The following ALKBH1 variants were observed in gnomAD, a reference collection of about 807,000 sequenced individuals.
ALKBH1 encodes alkB homolog 1, histone H2A dioxygenase.
In ALKBH1, 31 loss-of-function variants were observed where a neutral mutation model predicts 36.6. The observed-to-expected ratio is 0.85, with a 90% CI of 0.64 to 1.14. The LOEUF (loss-of-function observed/expected upper bound fraction) is 1.14. ALKBH1 is among the 50% of genes most tolerant of loss of function. The pLI is 0.00. For missense variants in ALKBH1, 490 were observed against 497.3 expected (o/e 0.99, Z 0.14); for synonymous variants, 183 against 186.6 (o/e 0.98, Z 0.16).
chr14:77,694,945 C>T, intron 2 of ALKBH1, 45 bp from the exon 3 acceptor site: 1 of 1,396,560 alleles, frequency 7.2e-7, no homozygotes, highest in South Asian at 1.7e-5. Context: ...GGGAAATTCT[C>T]CATCAGTTAT....
chr14:77,688,443 A>G (rs1476623147), intron 3 of ALKBH1, among the ~76,000 whole-genome samples: 1 of 151,822 alleles, frequency 6.6e-6, no homozygotes, highest in African/African-American at 2.4e-5. Context: ...TTTAGTAGAG[A>G]CAGAGTTTCA....
At chr14:77,683,494 C>A in intron 3 of ALKBH1, 1 of 695,766 alleles carries the variant, frequency 1.4e-6, no homozygotes. Flanking sequence ...GTAGACTCTT[C>A]CAGTTTTGCC....
At chr14:77,676,672 C>T (rs1422360419) in intron 4 of ALKBH1, among the ~76,000 whole-genome samples, 5 of 152,204 alleles carry the variant, frequency 3.3e-5, no homozygotes, top group Non-Finnish European at 7.3e-5. Flanking sequence ...AGGTACCATA[C>T]TAAGGTAAAA....
chr14:77,674,045 G>A lies in ALKBH1; in HGVS notation c.937C>T (p.Leu313Phe), dbSNP rs771849230. Residue 313 changes from leucine to phenylalanine, a missense_variant, in exon 6 of 6, where the codon CTC becomes TTC. Physicochemically the swap from Leu to Phe is conservative, Grantham distance 22. Coordinates refer to ENST00000216489, the MANE Select transcript of ALKBH1 (RefSeq NM_006020.3). ...HCLEAPLPAV[L>F]PRDSMVEPCS... ...GGCTCTACCATTGAATCTCTCGGGA[G>A]GACAGCAGGGAGAGGTGCCTCTAGG... 4 of 1,614,210 alleles carry A rather than the reference G, an allele frequency of 2.5e-6. No individual in the cohort carries two copies. Among genetic ancestry groups the A allele is most frequent in the South Asian group, 1.1e-5 (1 of 91,088 alleles).
intron 3 of ALKBH1, 30 bp downstream of exon 3, chr14:77,694,708 T>G: frequency 6.5e-7 from 1 of 1,547,784 alleles, no homozygotes; most frequent in Non-Finnish European, 8.7e-7. Flanking sequence ...AGCTGAGTAT[T>G]AACACTTCAT....
intron 3 of ALKBH1, among the ~76,000 whole-genome samples, chr14:77,681,321 G>A (rs1481350290): frequency 6.6e-6 from 1 of 152,134 alleles, no homozygotes; most frequent in Non-Finnish European, 1.5e-5. Flanking sequence ...AATCAGTTGG[G>A]GCTTCTTGGC....
chr14:77,707,239 C>T (rs1429051587), intron 1 of ALKBH1, among the ~76,000 whole-genome samples: 1 of 152,200 alleles, frequency 6.6e-6, no homozygotes, highest in Non-Finnish European at 1.5e-5. Flanking sequence ...CCACCGCTCC[C>T]GGACTGTGTT....
At chr14:77,697,810 C>T (rs545959617) in intron 2 of ALKBH1, among the ~76,000 whole-genome samples, 14 of 151,378 alleles carry the variant, frequency 9.2e-5, no homozygotes, top group African/African-American at 3.4e-4. Flanking sequence ...CTCAGGAATT[C>T]GAGACCAGCC....
At position 77,674,084 on chromosome 14, in the gene ALKBH1, C is replaced by T. The variant is rs757388904; in HGVS notation, c.898G>A (p.Gly300Ser). Residue 300 changes from glycine (G) to serine (S), a missense_variant, in exon 6 of 6, where the codon GGC becomes AGC. Gly to Ser is a moderately conservative substitution (Grantham distance 56). Transcript: ENST00000216489. Reference sequence around the variant, plus strand: ...GGTGCCTCTAGGCAGTGAGGCAGGCCTTCCCCTTCTGGATTTGGAAGGACA... The same window carrying T: ...GGTGCCTCTAGGCAGTGAGGCAGGCTTTCCCCTTCTGGATTTGGAAGGACA... ...PRVLPNPEGE[G>S]LPHCLEAPLP... 2 of 1,614,148 alleles carry T rather than the reference C, an allele frequency of 1.2e-6. No individual in the cohort carries two copies. Among genetic ancestry groups the T allele is most frequent in the Non-Finnish European group, 1.7e-6 (2 of 1,180,024 alleles).
intron 3 of ALKBH1, among the ~76,000 whole-genome samples, chr14:77,691,097 G>A (rs1045149779): frequency 6.6e-6 from 1 of 152,070 alleles, no homozygotes; most frequent in African/African-American, 2.4e-5. Flanking sequence ...CACCGTGCCC[G>A]GCCTGCACAT....
At chr14:77,703,001 A>G (rs1286475412) in intron 2 of ALKBH1, among the ~76,000 whole-genome samples, 1 of 151,904 alleles carries the variant, frequency 6.6e-6, no homozygotes, top group Non-Finnish European at 1.5e-5. Flanking sequence ...AAAATACAAA[A>G]ATTAGCTGGG....
At position 77,700,170 on chromosome 14, in the gene ALKBH1, A is replaced by G. The variant is rs189099754; in HGVS notation, c.292+4199T>C. Reference sequence around the variant, plus strand: ...GAATTTCAAAGAGATTTAAAACCACATATGGTTCAGCTGAAAGGAGGTTAT... The same window carrying G: ...GAATTTCAAAGAGATTTAAAACCACGTATGGTTCAGCTGAAAGGAGGTTAT... On this transcript the variant is annotated intron_variant, in intron 2 of 5. Transcript: ENST00000216489. Among the ~76,000 whole-genome samples the G allele has an allele frequency of 2.0e-4, 31 of 152,340 alleles. No individual in the cohort carries two copies. The East Asian group carries it at 5.2e-3, about 26-fold the overall frequency.
chr14:77,694,952 T>G, intron 2 of ALKBH1, 52 bp from the exon 3 acceptor site: 1 of 1,384,230 alleles, frequency 7.2e-7, no homozygotes, highest in Non-Finnish European at 9.6e-7. Context: ...TCTCCATCAG[T>G]TATTCAAATA....
intron 4 of ALKBH1, among the ~76,000 whole-genome samples, chr14:77,678,314 T>C (rs2080217319): frequency 1.3e-5 from 2 of 152,178 alleles, no homozygotes; most frequent in Non-Finnish European, 2.9e-5. Context: ...AGTTTCCTAC[T>C]GAGTCTGTAT....
intron 3 of ALKBH1, among the ~76,000 whole-genome samples, chr14:77,691,369 G>A (rs2080296227): frequency 6.6e-6 from 1 of 152,102 alleles, no homozygotes; most frequent in Non-Finnish European, 1.5e-5. Flanking sequence ...AATGTCAGAG[G>A]ATGTTATGAT....
intron 3 of ALKBH1, among the ~76,000 whole-genome samples, chr14:77,680,701 C>CA (rs2080233075): frequency 1.3e-5 from 1 of 79,420 alleles, no homozygotes; most frequent in African/African-American, 6.2e-5. Flanking sequence ...TTTTTTGAGA[C>CA]AGAGTTTCGC....
At chr14:77,679,670 A>T (rs1343994400) in intron 4 of ALKBH1, among the ~76,000 whole-genome samples, 1 of 152,144 alleles carries the variant, frequency 6.6e-6, no homozygotes, top group Non-Finnish European at 1.5e-5. Flanking sequence ...ACCTTAAGTG[A>T]TCCGCCCACC....
In ALKBH1 at chr14:77,673,442, C is replaced by T. The variant is rs2080187163; in HGVS notation, c.*370G>A. The T allele has an allele frequency of 5.1e-6, 1 of 195,242 alleles. No homozygotes were observed. The highest frequency in any genetic ancestry group is 1.1e-5 in the Non-Finnish European group (1 of 93,906). The allele number at this position is 195,242 out of a possible 1,614,324, so 12.1% of individuals were successfully genotyped here. A position where few individuals can be genotyped will look rare whatever the true frequency, so the allele number is the denominator to read the frequency against. ...ACCAGATGGAGTGGAGGGAGGGGTA[C>T]TGTATTTCTCATTAATAAAATCTGA... On this transcript the variant is annotated 3_prime_UTR_variant, in exon 6 of 6. Transcript: ENST00000216489.
At chr14:77,674,337 T>C in intron 5 of ALKBH1, 96 bp from the exon 6 acceptor site, 2 of 1,297,006 alleles carry the variant, frequency 1.5e-6, no homozygotes, top group Non-Finnish European at 2.1e-6. Context: ...TGTTATTTTG[T>C]AATTTCAGGT....
Sources: allele counts gnomAD v4.1 joint callset (sites outside exome capture counted in the v4.1 genomes callset), GRCh38; gene constraint gnomAD v4.1.1; transcripts MANE v1.5; gene names NCBI Gene and HGNC (gene_info 2026-07-23, HGNC 2026-07-21).